The following TRPM1 variants were observed in gnomAD, a reference collection of about 807,000 sequenced individuals.
TRPM1 encodes the protein TRPM1-203 APA Isoform, Intron 10.
Under a neutral mutation model 149.4 loss-of-function variants are expected in TRPM1, and 113 were observed. That is an observed-to-expected ratio of 0.76 (90% CI 0.65 to 0.88). The LOEUF (loss-of-function observed/expected upper bound fraction) is 0.88. TRPM1 is among the 40% of genes least tolerant of loss of function. The pLI, the probability that TRPM1 is intolerant of heterozygous loss-of-function variation, is 0.00. For synonymous variants in TRPM1, 741 were observed against 759.5 expected, an observed-to-expected ratio of 0.98 and a Z score of 0.40; for missense variants, 1,976 against 2,038.7, an observed-to-expected ratio of 0.97 and a Z score of 0.59.
At chr15:31,155,073 A>G (rs2036349871) in intron 1 of TRPM1, among the ~76,000 whole-genome samples, 2 of 152,136 alleles carry the variant, frequency 1.3e-5, no homozygotes, top group South Asian at 4.1e-4. Flanking sequence ...GGCAAGGTGA[A>G]CCCCTTGGGT....
chr15:31,076,536 T>C (rs747530334), intron 3 of TRPM1, among the ~76,000 whole-genome samples: 6 of 152,226 alleles, frequency 3.9e-5, no homozygotes, highest in Non-Finnish European at 7.3e-5. Flanking sequence ...GCTCAGATCT[T>C]TCCTGTGATG....
At chr15:31,010,314 G>A (rs2032139300) in intron 27 of TRPM1, among the ~76,000 whole-genome samples, 1 of 152,176 alleles carries the variant, frequency 6.6e-6, no homozygotes, top group Admixed American at 6.5e-5. Context: ...TGTGCGTGCA[G>A]CCCAGTAGTC....
chr15:31,029,465 A>G, intron 23 of TRPM1, 74 bp from the exon 24 acceptor site: 1 of 1,471,634 alleles, frequency 6.8e-7, no homozygotes, highest in Non-Finnish European at 9.5e-7. Context: ...AAATAAGATG[A>G]TGGTTGAGAG....
chr15:31,070,785 G>T (rs2034518216), intron 3 of TRPM1, among the ~76,000 whole-genome samples: 1 of 152,100 alleles, frequency 6.6e-6, no homozygotes, highest in African/African-American at 2.4e-5. Context: ...GAACTCCTGG[G>T]CTCAAGCAAT....
intron 20 of TRPM1, among the ~76,000 whole-genome samples, chr15:31,037,363 C>T (rs2033436216): frequency 6.6e-6 from 1 of 152,186 alleles, no homozygotes; most frequent in Non-Finnish European, 1.5e-5. Context: ...TGTGAATTTG[C>T]TCTTTAAATC....
Position 31,042,410 on chromosome 15 carries a change from C to T in TRPM1, c.1795-167G>A, listed in dbSNP as rs147912147. The T allele has an allele frequency of 2.0e-3, 1,413 of 718,478 alleles. 1 individual carries two copies. The highest frequency in any genetic ancestry group is 2.7e-3 in the Non-Finnish European group (1,181 of 437,190). The allele number at this position is 718,478 out of a possible 1,614,324, so 44.5% of individuals were successfully genotyped here. ...ATGAATTCTTTTGAAAAGATGCACA[C>T]GTTTATTATGATAAGTAAACTATCT... On this transcript the variant is annotated intron_variant, in intron 16 of 27. Transcript: ENST00000256552.
In TRPM1 at chr15:31,053,172, A is replaced by G. The variant is rs188225569; in HGVS notation, c.1264-2590T>C. On this transcript the variant is annotated intron_variant, in intron 11 of 27. Transcript: ENST00000256552. ...CAATAAACACACACAAAAACGCTCAATATCACTAATCATTAGGGAAATACA... is the reference window on the plus strand; with the variant it reads ...CAATAAACACACACAAAAACGCTCAGTATCACTAATCATTAGGGAAATACA... Among the ~76,000 whole-genome samples, 526 of 152,354 alleles carry G rather than the reference A, an allele frequency of 3.5e-3. 4 individuals are homozygous for G. Among genetic ancestry groups the G allele is most frequent in the Middle Eastern group, 0.01 (3 of 294 alleles).
At chr15:31,113,853 TC>T (rs2035757395) in intron 1 of TRPM1, among the ~76,000 whole-genome samples, 2 of 152,126 alleles carry the variant, frequency 1.3e-5, no homozygotes. Context: ...ACAACGACGC[TC>T]CCACACGCTG....
chr15:31,113,776 C>G (rs148500935), intron 1 of TRPM1, among the ~76,000 whole-genome samples: 18 of 152,308 alleles, frequency 1.2e-4, no homozygotes, highest in African/African-American at 4.3e-4. Flanking sequence ...AGTGTTACAG[C>G]TCTTAAAGGT....
intron 1 of TRPM1, among the ~76,000 whole-genome samples, chr15:31,083,904 C>T (rs997638816): frequency 1.4e-4 from 21 of 152,192 alleles, no homozygotes; most frequent in African/African-American, 4.8e-4. Flanking sequence ...GCCCCACAGG[C>T]TGGTGTGAGA....
chr15:31,053,053 ACTC>A (rs1407557139), intron 11 of TRPM1, among the ~76,000 whole-genome samples: 2 of 152,012 alleles, frequency 1.3e-5, no homozygotes, highest in African/African-American at 4.8e-5. Flanking sequence ...TATATAGAGA[ACTC>A]CTAAAATTCA....
chr15:31,091,152 C>T (rs1596063338), intron 1 of TRPM1, among the ~76,000 whole-genome samples: 1 of 152,326 alleles, frequency 6.6e-6, no homozygotes, highest in East Asian at 1.9e-4. Context: ...TTCCCTCATC[C>T]ATGGCCGAGG....
intron 27 of TRPM1, among the ~76,000 whole-genome samples, chr15:31,010,949 C>A (rs756496276): frequency 6.6e-6 from 1 of 152,156 alleles, no homozygotes; most frequent in Non-Finnish European, 1.5e-5. Flanking sequence ...TGAGGCTCTG[C>A]TATTGGGTGC....
At chr15:31,048,286 A>AATAC (rs1355773107) in intron 13 of TRPM1, among the ~76,000 whole-genome samples, 1 of 152,062 alleles carries the variant, frequency 6.6e-6, no homozygotes, top group African/African-American at 2.4e-5. Context: ...TAAATAAATA[A>AATAC]ATAAGTTTTT....
intron 12 of TRPM1, among the ~76,000 whole-genome samples, chr15:31,050,189 A>G (rs953384271): frequency 6.6e-6 from 1 of 152,216 alleles, no homozygotes; most frequent in Non-Finnish European, 1.5e-5. Flanking sequence ...GGGTGGCATC[A>G]TTCCCCCCAA....
intron 20 of TRPM1, 36 bp from the exon 21 acceptor site, chr15:31,035,710 G>GA (rs1046015725): frequency 8.7e-6 from 14 of 1,613,888 alleles, no homozygotes; most frequent in Non-Finnish European, 1.1e-5. Context: ...GTGTTTGGGG[G>GA]AATCACATAG....
intron 11 of TRPM1, among the ~76,000 whole-genome samples, chr15:31,055,447 T>C (rs1436102938): frequency 6.6e-6 from 1 of 152,144 alleles, no homozygotes; most frequent in Non-Finnish European, 1.5e-5. Flanking sequence ...AGGTTGCTCT[T>C]GAGGTGAGAC....
At chr15:31,049,213 C>G (rs1252094984) in intron 13 of TRPM1, among the ~76,000 whole-genome samples, 162 bp downstream of exon 13, 5 of 152,118 alleles carry the variant, frequency 3.3e-5, no homozygotes, top group Admixed American at 3.3e-4. Flanking sequence ...AATATGAACA[C>G]AGGCTGTGGC....
chr15:31,156,883 G>A (rs576062612), intron 1 of TRPM1, among the ~76,000 whole-genome samples: 3 of 151,538 alleles, frequency 2.0e-5, no homozygotes, highest in East Asian at 3.9e-4. Context: ...TATTTATTTT[G>A]GATTTCCCTT....
Sources: allele counts gnomAD v4.1 joint callset (sites outside exome capture counted in the v4.1 genomes callset), GRCh38; gene constraint gnomAD v4.1.1; transcripts MANE v1.5; gene names NCBI Gene and HGNC (gene_info 2026-07-23, HGNC 2026-07-21).